TMCO5A: variants seen among roughly 807,000 people sequenced by gnomAD.
TMCO5A encodes transmembrane and coiled-coil domain-containing protein 5A.
A neutral mutation model predicts 42.3 loss-of-function variants in TMCO5A; 34 were observed. The observed-to-expected ratio is 0.80, with a 90% CI of 0.61 to 1.07. The LOEUF is 1.07. Among genes scored for constraint, TMCO5A ranks in the 50% least tolerant of loss-of-function variants. The probability of loss-of-function intolerance (pLI) is 0.00; values close to 1 mark genes in which losing one functional copy is unlikely to be tolerated. For synonymous variants in TMCO5A, 131 were observed against 115.6 expected (o/e 1.13, Z -0.86); for missense variants, 357 against 327.9 (o/e 1.09, Z -0.69).
downstream of TMCO5A, among the ~76,000 whole-genome samples, chr15:37,953,620 G>T (rs191401511): frequency 1.3e-5 from 2 of 152,056 alleles, no homozygotes; most frequent in Admixed American, 1.3e-4. Context: ...CCCAGATTGA[G>T]AAGACTACAA....
chr15:37,965,580 T>C (rs1294019014), intron 11 of TMCO5A, among the ~76,000 whole-genome samples: 1 of 152,098 alleles, frequency 6.6e-6, no homozygotes, highest in African/African-American at 2.4e-5. Flanking sequence ...TCTAATAATC[T>C]GATTTAGAAT....
At chr15:37,947,577 A>G in intron 10 of TMCO5A, 79 bp from the exon 11 acceptor site, 1 of 917,026 alleles carries the variant, frequency 1.1e-6, no homozygotes, top group Admixed American at 2.1e-5. Context: ...ACATATAACT[A>G]ATGGCTCACT....
the TMCO5A span, among the ~76,000 whole-genome samples, chr15:37,981,038 A>T: frequency 7.7e-3 from 1,172 of 152,270 alleles, 20 homozygotes; most frequent in African/African-American, 0.026. Flanking sequence ...TTGTAGAAGA[A>T]TCAAATCTCC....
chr15:37,990,929 C>A, the TMCO5A span, among the ~76,000 whole-genome samples: 7 of 152,018 alleles, frequency 4.6e-5, no homozygotes, highest in Non-Finnish European at 8.8e-5. Context: ...CACATCCTTT[C>A]AGTTATTGAT....
the TMCO5A span, among the ~76,000 whole-genome samples, chr15:38,009,142 T>C: frequency 5.9e-5 from 9 of 152,210 alleles, no homozygotes; most frequent in African/African-American, 1.9e-4. Flanking sequence ...CAGATCCTAA[T>C]CTGGAATCCA....
chr15:37,996,797 C>T, the TMCO5A span, among the ~76,000 whole-genome samples: 2 of 152,070 alleles, frequency 1.3e-5, no homozygotes, highest in Non-Finnish European at 2.9e-5. Flanking sequence ...CAGACCTGGC[C>T]CTGGACACTG....
the TMCO5A span, among the ~76,000 whole-genome samples, chr15:38,038,299 CTG>C: frequency 6.6e-6 from 1 of 152,092 alleles, no homozygotes. Context: ...GACGATGGCA[CTG>C]CTATAAATAA....
chr15:38,017,324 A>C, the TMCO5A span, among the ~76,000 whole-genome samples: 1 of 152,094 alleles, frequency 6.6e-6, no homozygotes, highest in East Asian at 1.9e-4. Flanking sequence ...AACGGAGTTC[A>C]GAAAAGTTTA....
chr15:37,945,176 A>G (rs1437895740), intron 10 of TMCO5A, among the ~76,000 whole-genome samples: 1 of 151,920 alleles, frequency 6.6e-6, no homozygotes, highest in Admixed American at 6.6e-5. Context: ...GGCTTCCAAT[A>G]CCACCCATGT....
the TMCO5A span, among the ~76,000 whole-genome samples, chr15:37,984,170 T>C: frequency 1.1e-4 from 16 of 152,162 alleles, no homozygotes; most frequent in African/African-American, 3.6e-4. Flanking sequence ...GAAGAAAGGG[T>C]AACACTTGAA....
the TMCO5A span, among the ~76,000 whole-genome samples, chr15:38,027,582 G>A: frequency 6.6e-6 from 1 of 152,140 alleles, no homozygotes; most frequent in African/African-American, 2.4e-5. Context: ...TACTTTGGGG[G>A]ACTGTTGGAA....
downstream of TMCO5A, among the ~76,000 whole-genome samples, chr15:37,955,232 T>C (rs756772176): frequency 2.2e-5 from 2 of 91,140 alleles, no homozygotes; most frequent in Non-Finnish European, 2.2e-5. Flanking sequence ...TATTCTTATA[T>C]AAGACAAAAT....
chr15:38,026,625 G>T, the TMCO5A span, among the ~76,000 whole-genome samples: 1 of 152,232 alleles, frequency 6.6e-6, no homozygotes, highest in Non-Finnish European at 1.5e-5. Context: ...GCAATGAGGA[G>T]CCAAATGTTC....
At chr15:37,972,789 C>T in the TMCO5A span, among the ~76,000 whole-genome samples, 2 of 152,262 alleles carry the variant, frequency 1.3e-5, no homozygotes, top group Admixed American at 1.3e-4. Context: ...TAATCAGATT[C>T]CATCTGACAA....
At chr15:37,984,296 AT>A in the TMCO5A span, among the ~76,000 whole-genome samples, 4,200 of 151,760 alleles carry the variant, frequency 0.028, 95 homozygotes, top group Non-Finnish European at 0.044. Context: ...TAATATAAGG[AT>A]TTTTTTTTAT....
At chr15:37,941,757 A>G in intron 8 of TMCO5A, 27 bp downstream of exon 8, 6 of 1,577,756 alleles carry the variant, frequency 3.8e-6, no homozygotes, top group Non-Finnish European at 3.5e-6. Context: ...AAGGGATAGC[A>G]AAGGGTTTAT....
At chr15:37,936,565 T>G (rs1254471653) in intron 3 of TMCO5A, 102 bp downstream of exon 3, 1 of 1,415,698 alleles carries the variant, frequency 7.1e-7, no homozygotes, top group Non-Finnish European at 9.5e-7. Flanking sequence ...ACTTCTACCT[T>G]GTGTGGCAAA....
the TMCO5A span, among the ~76,000 whole-genome samples, chr15:38,031,631 G>A: frequency 1.3e-5 from 2 of 152,158 alleles, no homozygotes; most frequent in Non-Finnish European, 2.9e-5. Context: ...TGTGGAAGCA[G>A]ATCCTCCAAC....
Position 37,938,266 on chromosome 15 carries a change from A to G in TMCO5A, c.387+37A>G, listed in dbSNP as rs760429477. 2.0e-5 allele frequency: 30 copies of G among 1,499,880 alleles called. No homozygotes were observed. In the East Asian group the frequency reaches 3.9e-4, roughly 20 times the overall value. 92.9% of individuals were successfully genotyped at this position (1,499,880 alleles called of 1,614,324 possible). ...AAACAATCCTAAATGTGGTTGGGCT[A>G]TGTAACCAGGAAACAAGCTGTTAAG... On this transcript the variant is annotated intron_variant, in intron 6 of 11. Transcript: ENST00000319669.
Sources: allele counts gnomAD v4.1 joint callset (sites outside exome capture counted in the v4.1 genomes callset), GRCh38; gene constraint gnomAD v4.1.1; transcripts MANE v1.5; gene names NCBI Gene and HGNC (gene_info 2026-07-23, HGNC 2026-07-21).